Variants in DPH6 observed in about 807,000 individuals in gnomAD.
DPH6 encodes diphthamine biosynthesis 6, also known as diphthine--ammonia ligase.
In DPH6, 33 loss-of-function variants were observed where a neutral mutation model predicts 38.2. The ratio of observed to expected loss-of-function variants is 0.86; its 90% CI spans 0.65 to 1.15. DPH6 has a LOEUF of 1.15. DPH6 is among the 50% of genes most tolerant of loss of function. The pLI is 0.00. For missense variants in DPH6, 325 were observed against 320.0 expected, an observed-to-expected ratio of 1.02 and a Z score of -0.12; for synonymous variants, 108 against 103.0, an observed-to-expected ratio of 1.05 and a Z score of -0.30.
Position 35,363,763 on chromosome 15 carries a change from C to T in DPH6, n.207+9758G>A, listed in dbSNP as rs550052776. ...ATTATTTTTCATTATTCTATTTTTT[C>T]GTACTTCATTAGATTATATTATACT... is the stretch of plus-strand genomic sequence containing the variant. On this transcript the variant is annotated intron_variant and non_coding_transcript_variant, in intron 3 of 3. Transcript: ENST00000558973. Among the ~76,000 whole-genome samples, 247 of 151,318 alleles carry T rather than the reference C, an allele frequency of 1.6e-3. 1 individual carries two copies. The highest frequency in any genetic ancestry group is 5.4e-3 in the African/African-American group (223 of 41,338).
chr15:35,279,146 T>C (rs916840409), intron 3 of DPH6, among the ~76,000 whole-genome samples: 4 of 151,470 alleles, frequency 2.6e-5, no homozygotes, highest in Non-Finnish European at 4.4e-5. Context: ...GTGGGGCCTA[T>C]TGCCCCTTTT....
chr15:35,510,909 T>C (rs370310942), intron 3 of DPH6, among the ~76,000 whole-genome samples: 1 of 152,118 alleles, frequency 6.6e-6, no homozygotes, highest in South Asian at 2.1e-4. Context: ...AAAATATATG[T>C]CCCATCCTTG....
chr15:35,373,549 C>A lies in DPH6; in HGVS notation c.722G>T (p.Arg241Leu), dbSNP rs764647898. The A allele has an allele frequency of 1.2e-6, 2 of 1,607,200 alleles. No individual in the cohort carries two copies. Among genetic ancestry groups the A allele is most frequent in the African/African-American group, 1.3e-5 (1 of 74,504 alleles). The change falls in exon 8 of 9, where the codon CGC becomes CTC. Residue 241 changes from arginine (R) to leucine (L), a missense_variant. By Grantham distance (102) the Arg-to-Leu change is moderately radical. Transcript: ENST00000256538. ...ADAFAPVAYL[R>L]FLELHLEDKV... is the part of the protein sequence containing the mutation. ...GTCCTCCAAGTGCAATTCTAAAAAG[C>A]GTAGATAAGCCACAGGTGCAAATGC...
chr15:35,477,947 A>AC (rs2054281763), intron 3 of DPH6, among the ~76,000 whole-genome samples: 1 of 151,876 alleles, frequency 6.6e-6, no homozygotes, highest in African/African-American at 2.4e-5. Flanking sequence ...CCTTAAGATA[A>AC]CCCTCTCCCT....
downstream of DPH6, among the ~76,000 whole-genome samples, chr15:35,327,605 C>A (rs112772022): frequency 4.8e-3 from 732 of 152,188 alleles, 5 homozygotes; most frequent in African/African-American, 0.015. Context: ...TCGGCCTCCC[C>A]AAGTGCCACC....
intron 3 of DPH6, among the ~76,000 whole-genome samples, chr15:35,339,046 C>A (rs1214246934): frequency 6.9e-6 from 1 of 144,242 alleles, no homozygotes; most frequent in East Asian, 2.3e-4. Flanking sequence ...GTGGGGGTAG[C>A]GGGTGGGGGA....
intron 6 of DPH6, among the ~76,000 whole-genome samples, chr15:35,394,471 T>C (rs1393417976): frequency 6.6e-6 from 1 of 152,158 alleles, no homozygotes; most frequent in South Asian, 2.1e-4. Flanking sequence ...AAATAATGCA[T>C]AAAAAGCACT....
At chr15:35,338,737 G>A (rs1176695893) in intron 3 of DPH6, among the ~76,000 whole-genome samples, 2 of 152,172 alleles carry the variant, frequency 1.3e-5, no homozygotes, top group East Asian at 3.8e-4. Context: ...GCACACGTAT[G>A]TTTATTGCGG....
chr15:35,471,106 G>C (rs1352504949), intron 3 of DPH6, among the ~76,000 whole-genome samples: 1 of 151,990 alleles, frequency 6.6e-6, no homozygotes, highest in East Asian at 1.9e-4. Context: ...TAGTTCATAG[G>C]GTTGTGTGAG....
intron 3 of DPH6, among the ~76,000 whole-genome samples, chr15:35,462,956 A>T (rs2054083517): frequency 6.6e-6 from 1 of 152,210 alleles, no homozygotes. Context: ...GGTAATATAC[A>T]TAACAAAGGG....
chr15:35,212,110 A>G, the DPH6 span, among the ~76,000 whole-genome samples: 1 of 152,166 alleles, frequency 6.6e-6, no homozygotes, highest in African/African-American at 2.4e-5. Flanking sequence ...GCCCAGATAC[A>G]TCTTGTGCCA....
intron 3 of DPH6, among the ~76,000 whole-genome samples, chr15:35,310,153 G>C (rs2052128453): frequency 6.6e-6 from 1 of 152,156 alleles, no homozygotes; most frequent in African/African-American, 2.4e-5. Flanking sequence ...AGCCCAGATT[G>C]AGAACACCAC....
chr15:35,230,060 C>T (rs764665909), intron 3 of DPH6, among the ~76,000 whole-genome samples: 1 of 152,186 alleles, frequency 6.6e-6, no homozygotes, highest in Non-Finnish European at 1.5e-5. Context: ...TATGGTCACT[C>T]GAAGCCCTGG....
At chr15:35,283,216 C>T (rs2051914077) in intron 3 of DPH6, among the ~76,000 whole-genome samples, 1 of 146,698 alleles carries the variant, frequency 6.8e-6, no homozygotes. Flanking sequence ...CTTCCTCTTC[C>T]TCTTCTTTCT....
chr15:35,219,604 A>G (rs1285387815), exon 4 of DPH6: 2 of 152,198 alleles, frequency 1.3e-5, no homozygotes, highest in Non-Finnish European at 2.9e-5. Context: ...TTAGATTCAT[A>G]ATGAGAAATA....
chr15:35,442,974 A>C (rs1215686695), intron 5 of DPH6, among the ~76,000 whole-genome samples: 1 of 152,210 alleles, frequency 6.6e-6, no homozygotes, highest in Non-Finnish European at 1.5e-5. Context: ...ATGATTGCAC[A>C]ACCTGTGAAT....
intron 5 of DPH6, among the ~76,000 whole-genome samples, chr15:35,430,261 TTTA>T (rs2053615314): frequency 6.6e-6 from 1 of 151,954 alleles, no homozygotes; most frequent in Non-Finnish European, 1.5e-5. Flanking sequence ...CTGACTGGAG[TTTA>T]TTATTTGTTA....
chr15:35,380,787 A>C (rs2052854685), intron 7 of DPH6, among the ~76,000 whole-genome samples: 1 of 152,190 alleles, frequency 6.6e-6, no homozygotes, highest in South Asian at 2.1e-4. Context: ...TATCGTAATT[A>C]CACACAGATG....
chr15:35,381,389 T>A (rs2052862441), intron 7 of DPH6, among the ~76,000 whole-genome samples: 2 of 152,154 alleles, frequency 1.3e-5, no homozygotes, highest in Non-Finnish European at 2.9e-5. Flanking sequence ...AAGAGAAATG[T>A]TTACATTACC....
Sources: allele counts gnomAD v4.1 joint callset (sites outside exome capture counted in the v4.1 genomes callset), GRCh38; gene constraint gnomAD v4.1.1; transcripts MANE v1.5; gene names NCBI Gene and HGNC (gene_info 2026-07-23, HGNC 2026-07-21).